MAPK11: variants seen among roughly 807,000 people sequenced by gnomAD.
MAPK11 encodes the protein MAP kinase 11.
A neutral mutation model predicts 52.2 loss-of-function variants in MAPK11; 44 were observed. That is an observed-to-expected ratio of 0.84 (90% CI 0.66 to 1.08). The LOEUF (loss-of-function observed/expected upper bound fraction) is 1.08. Ranked by LOEUF, MAPK11 falls within the 50% of genes least tolerant of loss-of-function variation. The probability of loss-of-function intolerance (pLI) is 0.00; values close to 1 mark genes in which losing one functional copy is unlikely to be tolerated. For missense variants in MAPK11, 436 were observed against 494.7 expected, an observed-to-expected ratio of 0.88 and a Z score of 1.13; for synonymous variants, 233 against 206.3, an observed-to-expected ratio of 1.13 and a Z score of -1.11.
intron 1 of MAPK11, among the ~76,000 whole-genome samples, chr22:50,268,237 C>A (rs1436195190): frequency 6.6e-6 from 1 of 152,220 alleles, no homozygotes; most frequent in Non-Finnish European, 1.5e-5. Context: ...ACCAGGGGCC[C>A]CCATTCAAAG....
chr22:50,266,776 GC>G (rs1002717648), intron 7 of MAPK11, 157 bp downstream of exon 7: 1 of 950,648 alleles, frequency 1.1e-6, no homozygotes, highest in African/African-American at 1.6e-5. Context: ...GAGGAGGCCA[GC>G]ACCCATCATG....
At chr22:50,268,557 A>T (rs1313596463) in intron 1 of MAPK11, among the ~76,000 whole-genome samples, 1 of 152,096 alleles carries the variant, frequency 6.6e-6, no homozygotes, top group African/African-American at 2.4e-5. Flanking sequence ...GCCCAGCCCC[A>T]CTTCCCAGAG....
In MAPK11 at chr22:50,267,295, G is replaced by A; in HGVS notation, c.418-9C>T. The A allele has an allele frequency of 6.3e-7, 1 of 1,599,624 alleles. No homozygotes were observed. The highest frequency in any genetic ancestry group is 8.5e-7 in the Non-Finnish European group (1 of 1,174,866). ...CCGGCCGAGTGGATGTACTGCGGGA[G>A]GGGGATTGTGGTGAGCGCCGGGCCC... On this transcript the variant is annotated splice_polypyrimidine_tract_variant and intron_variant, in intron 4 of 11. Coordinates refer to ENST00000330651, the MANE Select transcript of MAPK11 (RefSeq NM_002751.7).
rs1348758864 is a variant in MAPK11, at chr22:50,267,566, C to T, written c.305+3G>A. Reference sequence around the variant, plus strand: ...CCGCTGCCTCGCCCGCCCCGCCGCTCACACTTCGCTGAAGTCCTCGATGGA... The same window carrying T: ...CCGCTGCCTCGCCCGCCCCGCCGCTTACACTTCGCTGAAGTCCTCGATGGA... On this transcript the variant is annotated splice_donor_region_variant and intron_variant, in intron 3 of 11. Transcript: ENST00000330651. The T allele has an allele frequency of 1.3e-6, 2 of 1,546,870 alleles. No individual in the cohort carries two copies. Among genetic ancestry groups the T allele is most frequent in the South Asian group, 2.4e-5 (2 of 84,576 alleles).
chr22:50,266,863 TG>T, intron 7 of MAPK11, 70 bp downstream of exon 7: 1 of 1,440,376 alleles, frequency 6.9e-7, no homozygotes, highest in Non-Finnish European at 9.6e-7. Flanking sequence ...CCCTAAGACC[TG>T]GCATGCAGAG....
Position 50,265,331 on chromosome 22 carries a change from C to T in MAPK11, c.1005G>A (p.Glu335=), listed in dbSNP as rs1274045079. ...CACTGCCATGCTCACCCTTCCACTC[C>T]TCCAGCGTGCGCTCCTTGGCCTCAA... The part of the protein sequence containing the change: ...ESVEAKERTL[E]EWKELTYQEV... Residue 335 remains glutamate, a synonymous_variant, in exon 11 of 12, where the codon GAG becomes GAA. Coordinates refer to ENST00000330651, the MANE Select transcript of MAPK11 (RefSeq NM_002751.7). 1 of 1,613,156 alleles carries T rather than the reference C, an allele frequency of 6.2e-7. No homozygotes were observed. Among genetic ancestry groups the T allele is most frequent in the Admixed American group, 1.7e-5 (1 of 60,020 alleles).
chr22:50,267,471 G>T lies in MAPK11; in HGVS notation c.317C>A (p.Thr106Asn). 6.2e-7 allele frequency: 1 copy of T among 1,606,850 alleles called. No homozygotes were observed. Among genetic ancestry groups the T allele is most frequent in the Non-Finnish European group, 8.5e-7 (1 of 1,177,312 alleles). ...IEDFSEVYLV[T>N]TLMGADLNNI... ...GTTCAGGTCGGCGCCCATCAGGGTG[G>T]TCACCAAGTACCTGGGGCGGGGTCA... is the stretch of plus-strand genomic sequence containing the variant. Residue 106 changes from threonine (T) to asparagine (N), a missense_variant, in exon 4 of 12, where the codon ACC (threonine) becomes AAC (asparagine). Coordinates refer to ENST00000330651, the MANE Select transcript of MAPK11 (RefSeq NM_002751.7).
chr22:50,267,650 G>GCCGGGCGACGAAC (rs1412333488), intron 2 of MAPK11, 23 bp from the exon 3 acceptor site: 53 of 1,521,914 alleles, frequency 3.5e-5, no homozygotes, highest in African/African-American at 5.6e-5. Context: ...GGGCGTCAGG[G>GCCGGGCGACGAAC]CCGGGCGACG....
intron 1 of MAPK11, 102 bp from the exon 2 acceptor site, chr22:50,268,051 G>T: frequency 7.8e-7 from 1 of 1,289,544 alleles, no homozygotes; most frequent in Non-Finnish European, 1.0e-6. Flanking sequence ...CGTGGGGATG[G>T]GGCCGTGGGG....
At position 50,270,310 on chromosome 22, in the gene MAPK11, C is replaced by G; in HGVS notation, c.-18G>C. On this transcript the variant is annotated 5_prime_UTR_variant, in exon 1 of 12. Transcript: ENST00000330651. The surrounding 1 kb of genome is among the most constrained non-coding windows in gnomAD (Gnocchi z 6.3). Reference sequence around the variant, plus strand: ...CCCGACATGTCCGGAGCAGCCGCCGCTCCGCCCGGGCCCAGCCCCGCGCCC... The same window carrying G: ...CCCGACATGTCCGGAGCAGCCGCCGGTCCGCCCGGGCCCAGCCCCGCGCCC... The G allele has an allele frequency of 8.6e-7, 1 of 1,159,638 alleles. No individual in the cohort carries two copies. The highest frequency in any genetic ancestry group is 1.1e-6 in the Non-Finnish European group (1 of 917,442). The allele number at this position is 1,159,638 out of a possible 1,614,324, so 71.8% of individuals were successfully genotyped here. A position where few individuals can be genotyped will look rare whatever the true frequency, so the allele number is the denominator to read the frequency against.
intron 6 of MAPK11, 27 bp downstream of exon 6, chr22:50,267,100 C>G (rs1407974986): frequency 6.2e-7 from 1 of 1,611,224 alleles, no homozygotes; most frequent in Non-Finnish European, 8.5e-7. Flanking sequence ...CGCCGCCGCC[C>G]TGCCCACCCC....
intron 1 of MAPK11, 40 bp from the exon 2 acceptor site, chr22:50,267,989 G>T: frequency 6.7e-7 from 1 of 1,499,314 alleles, no homozygotes. Flanking sequence ...GGAGGGGTCC[G>T]AGGGCGGCCG....
intron 1 of MAPK11, among the ~76,000 whole-genome samples, chr22:50,268,892 G>A (rs1485262256): frequency 5.9e-5 from 9 of 152,192 alleles, no homozygotes; most frequent in Non-Finnish European, 1.2e-4. Context: ...CCAGGGAAAG[G>A]TGCTCCTGAG....
Position 50,264,621 on chromosome 22 carries a change from G to C in MAPK11, c.*327C>G. 4.0e-6 allele frequency: 1 copy of C among 251,116 alleles called. No individual in the cohort carries two copies. Among genetic ancestry groups the C allele is most frequent in the Non-Finnish European group, 7.8e-6 (1 of 128,416 alleles). 15.6% of individuals were successfully genotyped at this position (251,116 alleles called of 1,614,324 possible). ...CACTCCCTTGGGTCGGCCTGGGACA[G>C]ACAGGGGAACTCCGCAGGGGAACCC... On this transcript the variant is annotated 3_prime_UTR_variant, in exon 12 of 12. Coordinates refer to ENST00000330651, the MANE Select transcript of MAPK11 (RefSeq NM_002751.7).
chr22:50,266,881 G>A (rs764288148), intron 7 of MAPK11, 53 bp downstream of exon 7: 8 of 1,520,522 alleles, frequency 5.3e-6, no homozygotes, highest in African/African-American at 2.7e-5. Flanking sequence ...AGAGCCAGTC[G>A]AGGGCCAGAC....
chr22:50,265,363 C>G lies in MAPK11; in HGVS notation c.973G>C (p.Glu325Gln), dbSNP rs1367222559. The G allele has an allele frequency of 1.2e-6, 2 of 1,613,446 alleles. No homozygotes were observed. The highest frequency in any genetic ancestry group is 2.2e-5 in the South Asian group (2 of 91,090). Residue 325 changes from glutamate to glutamine, a missense_variant, in exon 11 of 12, where the codon GAG (glutamate) becomes CAG (glutamine). Physicochemically the swap from Glu to Gln is conservative, Grantham distance 29. Transcript: ENST00000330651. ...EDEPEAEPYD[E>Q]SVEAKERTLE... ...GTGCGCTCCTTGGCCTCAACGCTCT[C>G]ATCATATGGCTCGGCCTCTGGCTCA...
chr22:50,266,409 G>A, intron 8 of MAPK11, 104 bp from the exon 9 acceptor site: 1 of 1,406,764 alleles, frequency 7.1e-7, no homozygotes, highest in Non-Finnish European at 9.7e-7. Context: ...CTATAGGTGA[G>A]GATGGCCAGC....
intron 11 of MAPK11, 80 bp downstream of exon 11, chr22:50,265,241 A>C: frequency 6.4e-7 from 1 of 1,556,608 alleles, no homozygotes; most frequent in African/African-American, 1.3e-5. Flanking sequence ...CAGTCTGGAG[A>C]GGAACTGGGG....
At chr22:50,267,726 C>T in intron 2 of MAPK11, 94 bp downstream of exon 2, 1 of 1,311,136 alleles carries the variant, frequency 7.6e-7, no homozygotes. Flanking sequence ...CCCCCTGTGT[C>T]CCCGCCCCCA....
Sources: allele counts gnomAD v4.1 joint callset (sites outside exome capture counted in the v4.1 genomes callset), GRCh38; gene constraint gnomAD v4.1.1; non-coding constraint Gnocchi (gnomAD v3.1); transcripts MANE v1.5; gene names NCBI Gene and HGNC (gene_info 2026-07-23, HGNC 2026-07-21).